The following VDR variants were observed in gnomAD, a reference collection of about 807,000 sequenced individuals.
The protein encoded by VDR is vitamin D3 receptor.
A neutral mutation model predicts 39.7 loss-of-function variants in VDR; 19 were observed. That is an observed-to-expected ratio of 0.48 (90% confidence interval 0.33 to 0.70). The LOEUF is 0.70. Ranked by LOEUF, VDR falls within the 30% of genes least tolerant of loss-of-function variation. The pLI is 0.02. For synonymous variants in VDR, 242 were observed against 215.8 expected, an observed-to-expected ratio of 1.12 and a Z score of -1.07; for missense variants, 442 against 570.5, an observed-to-expected ratio of 0.77 and a Z score of 2.29.
chr12:47,878,867 G>T (rs755386870), intron 3 of VDR, 101 bp downstream of exon 3: 2 of 1,584,636 alleles, frequency 1.3e-6, no homozygotes, highest in East Asian at 4.5e-5. Context: ...CATGGACATT[G>T]TAAGGAAGGA....
rs989979313 is a variant in VDR, at chr12:47,842,749, G to A, written c.*1997C>T. ...GACCTCCCAAACTGCTGGGATTACA[G>A]GCGTGAGCCACCGCGCCGGGCCTGT... On this transcript the variant is annotated 3_prime_UTR_variant, in exon 10 of 10. Transcript: ENST00000549336. The A allele has an allele frequency of 1.3e-5, 2 of 151,348 alleles. No homozygotes were observed. Among genetic ancestry groups the A allele is most frequent in the African/African-American group, 4.9e-5 (2 of 41,056 alleles). The allele number at this position is 151,348 out of a possible 1,614,324, so 9.4% of individuals were successfully genotyped here.
intron 1 of VDR, among the ~76,000 whole-genome samples, chr12:47,892,623 G>A (rs1946391365): frequency 6.6e-6 from 1 of 152,116 alleles, no homozygotes. Context: ...TTAAGTGCCA[G>A]CCACATGGAA....
At chr12:47,875,541 G>T (rs748318432) in intron 3 of VDR, among the ~76,000 whole-genome samples, 1 of 152,080 alleles carries the variant, frequency 6.6e-6, no homozygotes, top group East Asian at 1.9e-4. Flanking sequence ...GCAACTATTT[G>T]GACCAGATCA....
chr12:47,860,338 A>C (rs2137155374), intron 4 of VDR, among the ~76,000 whole-genome samples: 1 of 152,286 alleles, frequency 6.6e-6, no homozygotes, highest in South Asian at 2.1e-4. Flanking sequence ...GTGTCTGCTC[A>C]ATAGTCTGAC....
chr12:47,850,656 G>T (rs936266634), intron 7 of VDR, among the ~76,000 whole-genome samples: 2 of 152,098 alleles, frequency 1.3e-5, no homozygotes, highest in Non-Finnish European at 2.9e-5. Context: ...GGCGTGGTGG[G>T]AGTAGAGGTG....
At chr12:47,850,039 T>C (rs546683038) in intron 7 of VDR, among the ~76,000 whole-genome samples, 20 of 152,210 alleles carry the variant, frequency 1.3e-4, no homozygotes, top group African/African-American at 4.3e-4. Context: ...TTAGTAGATA[T>C]GGGGTTTCAC....
intron 1 of VDR, among the ~76,000 whole-genome samples, chr12:47,902,854 C>T (rs557922387): frequency 3.9e-5 from 6 of 152,324 alleles, no homozygotes; most frequent in South Asian, 2.1e-4. Flanking sequence ...GTAGCCCACT[C>T]GGTCCCAGGC....
intron 3 of VDR, among the ~76,000 whole-genome samples, chr12:47,871,292 C>CTCTCTCTCTCTTTCTT (rs1555153492): frequency 1.3e-5 from 1 of 79,854 alleles, no homozygotes; most frequent in African/African-American, 4.6e-5. Context: ...CTTTCTCTTT[C>CTCTCTCTCTCTTTCTT]TCTTTCTTTC....
intron 4 of VDR, among the ~76,000 whole-genome samples, chr12:47,859,913 C>CT (rs1565615326): frequency 2.3e-5 from 1 of 44,342 alleles, no homozygotes; most frequent in Non-Finnish European, 4.3e-5. Flanking sequence ...TTCCTTCCTT[C>CT]CTTCTTTCTT....
In VDR at chr12:47,846,331, A is replaced by G. The variant is rs1945278590; in HGVS notation, c.1024+4T>C. On this transcript the variant is annotated splice_donor_region_variant and intron_variant, in intron 9 of 9. Coordinates refer to ENST00000549336, the MANE Select transcript of VDR (RefSeq NM_000376.3). Reference sequence around the variant, plus strand: ...CCTGAGCTCCTCCCTGCCTGGCCCCATACCTGGGGAGACGATGCAGATGGC... The same window carrying G: ...CCTGAGCTCCTCCCTGCCTGGCCCCGTACCTGGGGAGACGATGCAGATGGC... The G allele has an allele frequency of 6.2e-7, 1 of 1,607,358 alleles. No homozygotes were observed.
chr12:47,844,896 C>G lies in VDR; in HGVS notation c.1134G>C (p.Leu378=). The change falls in exon 10 of 10, where the codon CTG becomes CTC. Residue 378 remains leucine (L), a synonymous_variant. Coordinates refer to ENST00000549336, the MANE Select transcript of VDR (RefSeq NM_000376.3). ...RCRHPPPGSH[L]LYAKMIQKLA... ...GCTTCTGGATCATCTTGGCATAGAG[C>G]AGGTGGCTGCCCGGGGGCGGGTGGC... The G allele has an allele frequency of 6.2e-7, 1 of 1,614,182 alleles. No individual in the cohort carries two copies. Among genetic ancestry groups the G allele is most frequent in the Non-Finnish European group, 8.5e-7 (1 of 1,180,018 alleles).
chr12:47,878,879 A>G (rs1314892498), intron 3 of VDR, 89 bp downstream of exon 3: 1 of 1,599,876 alleles, frequency 6.3e-7, no homozygotes, highest in Admixed American at 1.7e-5. Context: ...AAGGAAGGAG[A>G]TGTGAAAAAT....
chr12:47,872,286 T>A (rs1216275405), intron 3 of VDR, among the ~76,000 whole-genome samples: 2 of 152,050 alleles, frequency 1.3e-5, no homozygotes, highest in African/African-American at 4.8e-5. Flanking sequence ...TTGTAAGAAC[T>A]AAATAAAGGA....
chr12:47,898,600 C>T (rs1946504206), intron 1 of VDR: 2 of 154,648 alleles, frequency 1.3e-5, no homozygotes, highest in Admixed American at 1.3e-4. Flanking sequence ...CGTAATAGCT[C>T]AACTGGAAAC....
intron 1 of VDR, among the ~76,000 whole-genome samples, chr12:47,885,912 A>G (rs1204806787): frequency 6.6e-6 from 1 of 152,168 alleles, no homozygotes. Flanking sequence ...AGCCAGATGA[A>G]CCACAACATT....
At chr12:47,845,937 A>G (rs1326348362) in intron 9 of VDR, among the ~76,000 whole-genome samples, 1 of 152,238 alleles carries the variant, frequency 6.6e-6, no homozygotes, top group Non-Finnish European at 1.5e-5. Context: ...GGTAAACTAT[A>G]TAGGCAGAAC....
intron 7 of VDR, 29 bp from the exon 8 acceptor site, chr12:47,846,837 G>GT: frequency 6.2e-7 from 1 of 1,613,902 alleles, no homozygotes; most frequent in Admixed American, 1.7e-5. Flanking sequence ...AGGAGGTCAG[G>GT]TTACCAGTAA....
chr12:47,885,597 G>A (rs1054456056), intron 1 of VDR, among the ~76,000 whole-genome samples: 2 of 152,278 alleles, frequency 1.3e-5, no homozygotes, highest in Non-Finnish European at 2.9e-5. Context: ...CTGTGACTCT[G>A]AGAAGGACCA....
In VDR at chr12:47,865,072, A is replaced by C; in HGVS notation, c.252T>G (p.Cys84Trp). 1 of 1,613,768 alleles carries C rather than the reference A, an allele frequency of 6.2e-7. No individual in the cohort carries two copies. Among genetic ancestry groups the C allele is most frequent in the Non-Finnish European group, 8.5e-7 (1 of 1,179,686 alleles). ...RHCQACRLKR[C>W]VDIGMMKEFI... is the part of the protein sequence containing the mutation. Reference sequence around the variant, plus strand: ...ACTCCTTCATCATGCCGATGTCCACACAGCGTTTGAGCCGGCAGGCCTGGC... The same window carrying C: ...ACTCCTTCATCATGCCGATGTCCACCCAGCGTTTGAGCCGGCAGGCCTGGC... The change falls in exon 4 of 10, where the codon TGT becomes TGG. Residue 84 changes from cysteine (C) to tryptophan (W), a missense_variant. Cys to Trp is a radical substitution (Grantham distance 215). Around this residue, in one of 5 missense-constraint regions of VDR, gnomAD observed 141 missense variants for 141.3 expected, o/e 1.00. Coordinates refer to ENST00000549336, the MANE Select transcript of VDR (RefSeq NM_000376.3).
Sources: allele counts gnomAD v4.1 joint callset (sites outside exome capture counted in the v4.1 genomes callset), GRCh38; gene constraint gnomAD v4.1.1; regional missense constraint gnomAD v4.1.1; transcripts MANE v1.5; gene names NCBI Gene and HGNC (gene_info 2026-07-23, HGNC 2026-07-21).